USP32: variants seen among roughly 807,000 people sequenced by gnomAD.
USP32 encodes the protein ubiquitin carboxyl-terminal hydrolase 32.
In USP32, 59 loss-of-function variants were observed where a neutral mutation model predicts 204.8. The ratio of observed to expected loss-of-function variants is 0.29; its 90% CI spans 0.23 to 0.36. The LOEUF (loss-of-function observed/expected upper bound fraction) is 0.36, where lower values mean the gene tolerates loss of function less well. Ranked by LOEUF, USP32 falls within the 10% of genes least tolerant of loss-of-function variation. The pLI is 1.00. For synonymous variants in USP32, 517 were observed against 678.4 expected (o/e 0.76, Z 3.70); for missense variants, 1,160 against 1,946.4 (o/e 0.60, Z 7.60).
chr17:60,259,765 G>T (rs1193629035), intron 9 of USP32, among the ~76,000 whole-genome samples: 2 of 152,088 alleles, frequency 1.3e-5, no homozygotes, highest in South Asian at 4.1e-4. Flanking sequence ...CACTATGACT[G>T]CTGCTGTCAC....
chr17:60,306,164 T>C (rs1038028395), intron 2 of USP32, among the ~76,000 whole-genome samples: 4 of 152,218 alleles, frequency 2.6e-5, no homozygotes, highest in Non-Finnish European at 5.9e-5. Flanking sequence ...TAGAGAATAT[T>C]AAGTGCCACA....
chr17:60,317,643 T>C (rs1356355444), intron 2 of USP32, among the ~76,000 whole-genome samples: 1 of 151,744 alleles, frequency 6.6e-6, no homozygotes, highest in Non-Finnish European at 1.5e-5. Context: ...AGCGAGACCC[T>C]CACCGCTACA....
rs930276982 is a variant in USP32 at position 60,392,047 on chromosome 17, G to A, written c.-108C>T. The A allele has an allele frequency of 4.2e-6, 5 of 1,187,548 alleles. No homozygotes were observed. The East Asian group carries it at 1.5e-4, about 35-fold the overall frequency. 73.6% of individuals were successfully genotyped at this position (1,187,548 alleles called of 1,614,324 possible). A position where few individuals can be genotyped will look rare whatever the true frequency, so the allele number is the denominator to read the frequency against. On this transcript the variant is annotated 5_prime_UTR_variant, in exon 1 of 34. Coordinates refer to ENST00000300896, the MANE Select transcript of USP32 (RefSeq NM_032582.4). ...GACGGTGACGGTGTCGGCGTCCCCC[G>A]CCCCCACCTCCCCCCACACTAACAA...
rs141470616 is a variant in USP32, at chr17:60,252,675, G to A, written c.1075-233C>T. On this transcript the variant is annotated intron_variant, in intron 10 of 33. Transcript: ENST00000300896. Reference sequence around the variant, plus strand: ...TAACTTTCAAATCTCTAGGTAAGAAGGGAAGAGAAAGGGAAGGAAGAAAAA... The same window carrying A: ...TAACTTTCAAATCTCTAGGTAAGAAAGGAAGAGAAAGGGAAGGAAGAAAAA... Among the ~76,000 whole-genome samples, 1,101 of 152,102 alleles carry A rather than the reference G, an allele frequency of 7.2e-3. 16 individuals are homozygous for A. Among genetic ancestry groups the A allele is most frequent in the African/African-American group, 0.025 (1,057 of 41,486 alleles).
intron 1 of USP32, among the ~76,000 whole-genome samples, chr17:60,350,682 C>G (rs2088926857): frequency 6.6e-6 from 1 of 151,756 alleles, no homozygotes; most frequent in Non-Finnish European, 1.5e-5. Flanking sequence ...AGGGACTTTT[C>G]TTAAATCTTC....
intron 2 of USP32, among the ~76,000 whole-genome samples, chr17:60,324,944 G>A (rs191006234): frequency 3.7e-4 from 57 of 152,154 alleles, no homozygotes; most frequent in Admixed American, 2.8e-3. Context: ...CAGAATTTGC[G>A]GTGAGCCGAG....
At chr17:60,290,832 A>C (rs2087253892) in intron 4 of USP32, among the ~76,000 whole-genome samples, 1 of 152,052 alleles carries the variant, frequency 6.6e-6, no homozygotes, top group African/African-American at 2.4e-5. Context: ...GCTGATTACC[A>C]ATGGTCAATG....
upstream of USP32, chr17:60,392,141 T>C (rs2089851805): frequency 3.6e-6 from 2 of 549,570 alleles, no homozygotes; most frequent in Admixed American, 3.5e-5. Flanking sequence ...ACGTGACTCT[T>C]CCGCCCCGCC....
rs556665486 is a variant in USP32 at position 60,263,918 on chromosome 17, C to T, written c.990+1494G>A. ...TATTCTAAACCTCTATTTAATAACA[C>T]CATTGTGGTGTAGATCCTACCAATC... On this transcript the variant is annotated intron_variant, in intron 9 of 33. Transcript: ENST00000300896. Among the ~76,000 whole-genome samples the T allele has an allele frequency of 2.6e-5, 4 of 152,224 alleles. No individual in the cohort carries two copies. In the South Asian group the frequency reaches 8.3e-4, roughly 32 times the overall value.
chr17:60,193,172 A>AG (rs2084429505), intron 27 of USP32, among the ~76,000 whole-genome samples: 2 of 152,352 alleles, frequency 1.3e-5, no homozygotes, highest in South Asian at 4.1e-4. Flanking sequence ...GATGTCTCTA[A>AG]GGGAGTCCAT....
intron 1 of USP32, among the ~76,000 whole-genome samples, chr17:60,377,851 G>T (rs1296527516): frequency 1.3e-5 from 2 of 152,098 alleles, no homozygotes; most frequent in Non-Finnish European, 1.5e-5. Flanking sequence ...CACTCTATCA[G>T]AATTTCATGG....
At chr17:60,223,358 T>G in intron 14 of USP32, 53 bp downstream of exon 14, 1 of 1,518,036 alleles carries the variant, frequency 6.6e-7, no homozygotes, top group Non-Finnish European at 9.0e-7. Flanking sequence ...GAAATGAAAT[T>G]TATTAATAGC....
At chr17:60,313,707 A>G (rs995827969) in intron 2 of USP32, among the ~76,000 whole-genome samples, 3 of 152,126 alleles carry the variant, frequency 2.0e-5, no homozygotes, top group Non-Finnish European at 4.4e-5. Context: ...CCTTAGTATT[A>G]GAGGTAAACC....
chr17:60,364,114 T>G (rs1047844380), intron 1 of USP32, among the ~76,000 whole-genome samples: 3 of 152,176 alleles, frequency 2.0e-5, no homozygotes, highest in Admixed American at 6.5e-5. Context: ...GCAGATTCAG[T>G]GTCTGGTGAG....
chr17:60,310,281 T>A (rs1195399083), intron 2 of USP32, among the ~76,000 whole-genome samples: 3 of 152,196 alleles, frequency 2.0e-5, no homozygotes, highest in African/African-American at 7.2e-5. Flanking sequence ...ATCAAAAAGA[T>A]ACCTGTACTA....
intron 29 of USP32, 88 bp downstream of exon 29, chr17:60,190,475 T>C: frequency 7.0e-7 from 1 of 1,433,884 alleles, no homozygotes; most frequent in Non-Finnish European, 9.2e-7. Context: ...TGTTTTTAAA[T>C]TGTCTAAAAC....
At chr17:60,303,620 T>C (rs2087644349) in intron 2 of USP32, among the ~76,000 whole-genome samples, 1 of 151,888 alleles carries the variant, frequency 6.6e-6, no homozygotes, top group Non-Finnish European at 1.5e-5. Context: ...TAAGCTAAAC[T>C]ATAGACTATA....
rs754554007 is a variant in USP32 at position 60,213,603 on chromosome 17, A to C, written c.2082T>G (p.Asp694Glu). The C allele has an allele frequency of 2.2e-6, 3 of 1,368,718 alleles. No homozygotes were observed. Among genetic ancestry groups the C allele is most frequent in the Middle Eastern group, 2.0e-4 (1 of 5,012 alleles). 84.8% of individuals were successfully genotyped at this position (1,368,718 alleles called of 1,614,324 possible). Residue 694 changes from aspartate to glutamate, a missense_variant, in exon 18 of 34, where the codon GAT becomes GAG. Transcript: ENST00000300896. ...TACCTTCAATTACCAGGTGTTGTTC[A>C]TCCTGGATTTTCAAATATTCCAATT... ...DHKLEYLKIQ[D>E]EQHLVIEVRN...
intron 2 of USP32, among the ~76,000 whole-genome samples, chr17:60,311,020 T>A (rs1416645080): frequency 6.6e-6 from 1 of 152,068 alleles, no homozygotes; most frequent in Non-Finnish European, 1.5e-5. Flanking sequence ...GAGGGGGGAA[T>A]ACAGATAAGT....
Sources: allele counts gnomAD v4.1 joint callset (sites outside exome capture counted in the v4.1 genomes callset), GRCh38; gene constraint gnomAD v4.1.1; transcripts MANE v1.5; gene names NCBI Gene and HGNC (gene_info 2026-07-23, HGNC 2026-07-21).